LIMA1: variants seen among roughly 807,000 people sequenced by gnomAD.
The protein encoded by LIMA1 is LIM domain and actin binding 1, also known as LIM domain and actin-binding protein 1.
LIMA1 carries 52 observed loss-of-function variants against 62.6 expected under a neutral mutation model. The observed-to-expected ratio is 0.83, with a 90% CI of 0.67 to 1.05. LIMA1 has a LOEUF of 1.05. Among genes scored for constraint, LIMA1 ranks in the 50% least tolerant of loss-of-function variants. The pLI is 0.00. For synonymous variants in LIMA1, 302 were observed against 317.8 expected (o/e 0.95, Z 0.53); for missense variants, 780 against 902.2 (o/e 0.86, Z 1.74).
At chr12:50,282,598 C>A (rs1942353505) in intron 1 of LIMA1, among the ~76,000 whole-genome samples, 2 of 152,222 alleles carry the variant, frequency 1.3e-5, no homozygotes, top group African/African-American at 4.8e-5. Flanking sequence ...CACCTGGGCT[C>A]AAGCGATCCT....
intron 4 of LIMA1, among the ~76,000 whole-genome samples, chr12:50,207,889 CAA>C (rs60876815): frequency 3.9e-4 from 46 of 118,096 alleles, no homozygotes; most frequent in Non-Finnish European, 4.1e-4. Flanking sequence ...GACCCTGTCT[CAA>C]AAAAAAAAAA....
chr12:50,229,368 A>G (rs970524884), intron 3 of LIMA1, among the ~76,000 whole-genome samples: 2 of 152,188 alleles, frequency 1.3e-5, no homozygotes, highest in Admixed American at 6.5e-5. Context: ...AGCCATAAAA[A>G]AGGATGAGTT....
In LIMA1 at chr12:50,176,139, C is replaced by A. The variant is rs1184337742; in HGVS notation, c.*925G>T. On this transcript the variant is annotated 3_prime_UTR_variant, in exon 11 of 11. Transcript: ENST00000341247. ...AAAAATTAGTGTCTCAAAAAGGGGA[C>A]ATCATAAGGGAAATACAGGGTTTAG... is the stretch of plus-strand genomic sequence containing the variant. 2.0e-5 allele frequency: 3 copies of A among 152,180 alleles called. No homozygotes were observed. Among genetic ancestry groups the A allele is most frequent in the Non-Finnish European group, 4.4e-5 (3 of 68,042 alleles). The allele number at this position is 152,180 out of a possible 1,614,324, so 9.4% of individuals were successfully genotyped here. A position where few individuals can be genotyped will look rare whatever the true frequency, so the allele number is the denominator to read the frequency against.
At chr12:50,184,104 G>C (rs1016117296) in intron 9 of LIMA1, among the ~76,000 whole-genome samples, 1 of 152,050 alleles carries the variant, frequency 6.6e-6, no homozygotes, top group African/African-American at 2.4e-5. Flanking sequence ...TTTATTCTAG[G>C]GGCAATGTCC....
chr12:50,275,995 C>T (rs1328082569), intron 1 of LIMA1, among the ~76,000 whole-genome samples: 1 of 152,060 alleles, frequency 6.6e-6, no homozygotes, highest in Non-Finnish European at 1.5e-5. Context: ...CTAGGTGGGA[C>T]CTGAGACTCT....
chr12:50,255,154 C>T (rs541470389), intron 1 of LIMA1, among the ~76,000 whole-genome samples: 3 of 152,170 alleles, frequency 2.0e-5, no homozygotes, highest in Middle Eastern at 3.4e-3. Flanking sequence ...ATCTCAGTGG[C>T]CTCCTCTCTT....
intron 2 of LIMA1, among the ~76,000 whole-genome samples, chr12:50,246,741 T>G (rs1179974404): frequency 6.6e-6 from 1 of 152,218 alleles, no homozygotes. Flanking sequence ...GGCAGACTGC[T>G]TGCTTTCCTA....
At chr12:50,245,955 C>T (rs573579758) in intron 2 of LIMA1, among the ~76,000 whole-genome samples, 8 of 152,088 alleles carry the variant, frequency 5.3e-5, no homozygotes, top group Admixed American at 1.3e-4. Flanking sequence ...GCAGCCAGGC[C>T]GGGCGTGGTG....
intron 1 of LIMA1, among the ~76,000 whole-genome samples, chr12:50,283,025 G>A (rs1343557953): frequency 6.6e-6 from 1 of 152,126 alleles, no homozygotes. Flanking sequence ...CGAAAAGAGA[G>A]GGAATGGCTG....
intron 10 of LIMA1, among the ~76,000 whole-genome samples, chr12:50,180,485 A>C (rs1940473854): frequency 6.6e-6 from 1 of 151,632 alleles, no homozygotes; most frequent in Admixed American, 6.6e-5. Flanking sequence ...AAAAAGAAAA[A>C]CCAGATGGGG....
chr12:50,197,458 G>A (rs1940955741), intron 7 of LIMA1, among the ~76,000 whole-genome samples: 2 of 151,968 alleles, frequency 1.3e-5, no homozygotes, highest in South Asian at 4.1e-4. Flanking sequence ...CAAAAGGATA[G>A]CTAAGGGTCT....
At position 50,222,341 on chromosome 12, in the gene LIMA1, G is replaced by A; in HGVS notation, c.310C>T (p.Pro104Ser). The change falls in exon 4 of 11, where the codon CCT becomes TCT. Residue 104 changes from proline to serine, a missense_variant. Physicochemically the swap from Pro to Ser is moderately conservative, Grantham distance 74. Transcript: ENST00000341247. ...GCGTGGCTTGTCACTTCAGCAGGAGGATGGTCTGCTCTGTGCCTAATCTCA... is the reference window on the plus strand; with the variant it reads ...GCGTGGCTTGTCACTTCAGCAGGAGAATGGTCTGCTCTGTGCCTAATCTCA... ...STEIRHRADH[P>S]PAEVTSHAAS... 6.2e-7 allele frequency: 1 copy of A among 1,614,134 alleles called. No homozygotes were observed. The highest frequency in any genetic ancestry group is 8.5e-7 in the Non-Finnish European group (1 of 1,180,026).
chr12:50,253,354 T>C (rs188573929), intron 1 of LIMA1, among the ~76,000 whole-genome samples: 6 of 152,238 alleles, frequency 3.9e-5, no homozygotes, highest in Admixed American at 3.9e-4. Flanking sequence ...TTTTATTGTC[T>C]TATATTTATG....
Position 50,178,029 on chromosome 12 carries a change from T to TA in LIMA1, c.1314dup (p.Lys439Ter). On this transcript the variant is annotated frameshift_variant, in exon 11 of 11. Transcript: ENST00000341247. LOFTEE classifies it high-confidence loss of function. The stretch of plus-strand genomic sequence containing the variant: ...TTAAAGAGTTGATTGAAGTGAGGCT[T>TA]ACAATAGATTCTTCCATGTAAAGAT... 1 of 1,560,784 alleles carries TA rather than the reference T, an allele frequency of 6.4e-7. No homozygotes were observed. The highest frequency in any genetic ancestry group is 8.6e-7 in the Non-Finnish European group (1 of 1,158,328).
At position 50,177,852 on chromosome 12, in the gene LIMA1, T is replaced by C. The variant is rs769792233; in HGVS notation, c.1492A>G (p.Ile498Val). The C allele has an allele frequency of 9.9e-6, 16 of 1,613,130 alleles. No homozygotes were observed. Among genetic ancestry groups the C allele is most frequent in the African/African-American group, 1.3e-5 (1 of 74,888 alleles). The change falls in exon 11 of 11, where the codon ATT becomes GTT. Residue 498 changes from isoleucine (I) to valine (V), a missense_variant. Ile to Val is a conservative substitution (Grantham distance 29). Transcript: ENST00000341247. ...PHSPGVEDAP[I>V]AKVGVLAASM... is the part of the protein sequence containing the mutation. ...GCAGCCAGGACACCCACCTTAGCAA[T>C]AGGGGCATCTTCTACCCCTGGGCTG...
intron 9 of LIMA1, among the ~76,000 whole-genome samples, chr12:50,184,485 T>C (rs895517342): frequency 1.3e-5 from 2 of 152,024 alleles, no homozygotes; most frequent in Admixed American, 6.6e-5. Flanking sequence ...CTACAGAAAA[T>C]GCAAACATTA....
intron 1 of LIMA1, among the ~76,000 whole-genome samples, chr12:50,270,893 C>G (rs1413872237): frequency 2.0e-5 from 3 of 150,886 alleles, no homozygotes; most frequent in Non-Finnish European, 2.9e-5. Flanking sequence ...GAGATCAAGA[C>G]CATCCTGGCT....
chr12:50,211,507 A>C (rs1293143725), intron 4 of LIMA1, among the ~76,000 whole-genome samples: 2 of 150,284 alleles, frequency 1.3e-5, no homozygotes, highest in Non-Finnish European at 3.0e-5. Flanking sequence ...AAAATTAGCC[A>C]GGCATAGTGG....
chr12:50,208,224 G>A (rs930885163), intron 4 of LIMA1, among the ~76,000 whole-genome samples: 1 of 152,062 alleles, frequency 6.6e-6, no homozygotes, highest in Admixed American at 6.5e-5. Context: ...GGTGGCTCAC[G>A]CCTGTAATCC....
Sources: allele counts gnomAD v4.1 joint callset (sites outside exome capture counted in the v4.1 genomes callset), GRCh38; gene constraint gnomAD v4.1.1; transcripts MANE v1.5; gene names NCBI Gene and HGNC (gene_info 2026-07-23, HGNC 2026-07-21).